C10orf67: variants seen among roughly 807,000 people sequenced by gnomAD.
C10orf67 encodes uncharacterized protein C10orf67, mitochondrial.
In C10orf67, 60 loss-of-function variants were observed where a neutral mutation model predicts 35.6. The observed-to-expected ratio is 1.68, with a 90% CI of 1.37 to 2.09. C10orf67 has a LOEUF of 2.09. Ranked by LOEUF, C10orf67 falls within the 30% of genes most tolerant of loss-of-function variation. The pLI is 0.00. For missense variants in C10orf67, 474 were observed against 330.2 expected, an observed-to-expected ratio of 1.44 and a Z score of -3.38; for synonymous variants, 167 against 115.8, an observed-to-expected ratio of 1.44 and a Z score of -2.84.
chr10:23,234,816 C>T (rs569814146), intron 13 of C10orf67, among the ~76,000 whole-genome samples: 1 of 151,350 alleles, frequency 6.6e-6, no homozygotes, highest in South Asian at 2.1e-4. Context: ...AGATTGAGAC[C>T]ACTCTGGTCA....
At chr10:23,305,440 C>A (rs1398291275) in intron 4 of C10orf67, among the ~76,000 whole-genome samples, 1 of 152,080 alleles carries the variant, frequency 6.6e-6, no homozygotes, top group Admixed American at 6.6e-5. Context: ...GAGTTTGGGA[C>A]CAGCCTGAGC....
intron 9 of C10orf67, 31 bp downstream of exon 9, chr10:23,267,164 A>G: frequency 1.4e-6 from 1 of 703,512 alleles, no homozygotes; most frequent in African/African-American, 1.8e-5. Flanking sequence ...AATAAAAGAG[A>G]AAGAGAGAGA....
intron 10 of C10orf67, among the ~76,000 whole-genome samples, chr10:23,257,094 A>G (rs1370421678): frequency 6.6e-6 from 1 of 152,220 alleles, no homozygotes; most frequent in Non-Finnish European, 1.5e-5. Flanking sequence ...CCCTGGGAGA[A>G]GGGAATGGTA....
At chr10:23,339,444 A>G (rs537083304) in intron 1 of C10orf67, among the ~76,000 whole-genome samples, 1 of 150,594 alleles carries the variant, frequency 6.6e-6, no homozygotes, top group South Asian at 2.1e-4. Flanking sequence ...TTTAAAAGTC[A>G]GGACTTCCAG....
chr10:23,240,065 C>T (rs1588606272), intron 12 of C10orf67, among the ~76,000 whole-genome samples: 1 of 152,158 alleles, frequency 6.6e-6, no homozygotes, highest in Middle Eastern at 3.4e-3. Context: ...GTGGTACATG[C>T]CTGTAGTCCC....
intron 10 of C10orf67, among the ~76,000 whole-genome samples, chr10:23,254,188 T>C (rs2132166090): frequency 6.6e-6 from 1 of 152,308 alleles, no homozygotes; most frequent in East Asian, 1.9e-4. Context: ...GTAAAGATAA[T>C]AACATACTGT....
intron 4 of C10orf67, among the ~76,000 whole-genome samples, chr10:23,313,329 T>C (rs149259769): frequency 2.4e-4 from 37 of 152,266 alleles, no homozygotes; most frequent in Non-Finnish European, 4.7e-4. Flanking sequence ...AAAACGTGAG[T>C]GAAAGAACAG....
intron 2 of C10orf67, among the ~76,000 whole-genome samples, chr10:23,325,691 A>C (rs1845168462): frequency 6.6e-6 from 1 of 151,504 alleles, no homozygotes; most frequent in Non-Finnish European, 1.5e-5. Context: ...TAAAAAAAAA[A>C]AACAGGAAAA....
intron 10 of C10orf67, among the ~76,000 whole-genome samples, chr10:23,261,597 C>A (rs1355416379): frequency 6.6e-6 from 1 of 152,206 alleles, no homozygotes; most frequent in Non-Finnish European, 1.5e-5. Flanking sequence ...CAGGTGTGAG[C>A]AGCCACCCCT....
rs1841555057 is a variant in C10orf67, at chr10:23,220,777, A to G, written c.1570+2821T>C. Among the ~76,000 whole-genome samples, 4 of 152,336 alleles carry G rather than the reference A, an allele frequency of 2.6e-5. No individual in the cohort carries two copies. The South Asian group carries it at 8.3e-4, about 32-fold the overall frequency. On this transcript the variant is annotated intron_variant, in intron 15 of 15. Coordinates refer to ENST00000636213, the MANE Select transcript of C10orf67 (RefSeq NM_001371909.1). ...GGATTAAAGTAAAAACGTGAAAGGC[A>G]TTTAGAATATTATGTATATCCACTG...
At chr10:23,316,410 G>T (rs369236432) in intron 4 of C10orf67, among the ~76,000 whole-genome samples, 1 of 152,240 alleles carries the variant, frequency 6.6e-6, no homozygotes, top group African/African-American at 2.4e-5. Context: ...GGAGCTCCTA[G>T]GTCTGGGCGC....
intron 1 of C10orf67, among the ~76,000 whole-genome samples, chr10:23,335,368 G>A (rs959736218): frequency 6.6e-6 from 1 of 152,154 alleles, no homozygotes; most frequent in African/African-American, 2.4e-5. Flanking sequence ...GTAGCTAAGT[G>A]ACATTAGATA....
chr10:23,326,344 T>C (rs895081154), intron 2 of C10orf67, among the ~76,000 whole-genome samples: 1 of 152,156 alleles, frequency 6.6e-6, no homozygotes, highest in Non-Finnish European at 1.5e-5. Context: ...ATAATGGTTA[T>C]TTTCTTAGAC....
At chr10:23,261,859 T>G (rs1036131594) in intron 10 of C10orf67, among the ~76,000 whole-genome samples, 6 of 152,184 alleles carry the variant, frequency 3.9e-5, no homozygotes, top group African/African-American at 1.4e-4. Context: ...GAGATTCCAC[T>G]GAGGAAAAGA....
chr10:23,264,203 A>G (rs1451744335), intron 10 of C10orf67, among the ~76,000 whole-genome samples: 3 of 152,216 alleles, frequency 2.0e-5, no homozygotes, highest in Non-Finnish European at 4.4e-5. Context: ...GAATGTGTAT[A>G]TATACGGTAA....
At position 23,277,567 on chromosome 10, in the gene C10orf67, AT is replaced by A. The variant is rs1281526214; in HGVS notation, c.975+4445del. ...GACCAACTCCAAAAAAAAAAAAAAA[AT>A]AATAACACACACACGTATACAAAAT... On this transcript the variant is annotated intron_variant, in intron 8 of 15. Coordinates refer to ENST00000636213, the MANE Select transcript of C10orf67 (RefSeq NM_001371909.1). Among the ~76,000 whole-genome samples the A allele has an allele frequency of 9.0e-4, 136 of 150,288 alleles. 2 individuals are homozygous for A. The East Asian group carries it at 0.017, about 19-fold the overall frequency.
intron 15 of C10orf67, among the ~76,000 whole-genome samples, chr10:23,213,488 C>A (rs72802160): frequency 0.2 from 30,474 of 151,952 alleles, 3,784 homozygotes; most frequent in Non-Finnish European, 0.28. Flanking sequence ...AGAGGCTCAA[C>A]GGTGGTGATA....
In C10orf67 at chr10:23,274,151, G is replaced by C. The variant is rs12247095; in HGVS notation, c.976-6897C>G. 7.6e-3 allele frequency among the ~76,000 whole-genome samples: 1,160 copies of C among 152,212 alleles called. 14 individuals are homozygous for C. The highest frequency in any genetic ancestry group is 0.027 in the African/African-American group (1,103 of 41,532). ...GGTCACAGAGATCACACGCTTCAAA[G>C]GGCAATGAAAGATCACAAGTCAAAG... On this transcript the variant is annotated intron_variant, in intron 8 of 15. Transcript: ENST00000636213.
chr10:23,297,000 T>C (rs1294480627), intron 5 of C10orf67, among the ~76,000 whole-genome samples: 2 of 152,234 alleles, frequency 1.3e-5, no homozygotes, highest in Non-Finnish European at 2.9e-5. Context: ...TTCCATTGGT[T>C]AGCTGCAGGC....
Sources: gnomAD v4.1 joint callset for allele counts (sites outside exome capture counted in the v4.1 genomes callset) on GRCh38, gnomAD v4.1.1 for gene constraint, MANE v1.5 for transcripts, NCBI Gene and HGNC (gene_info 2026-07-23, HGNC 2026-07-21) for gene names.